Variants in GFPT1 observed in about 807,000 individuals in gnomAD.
GFPT1 encodes glutamine--fructose-6-phosphate transaminase 1.
GFPT1 carries 40 observed loss-of-function variants against 92.0 expected under a neutral mutation model. The ratio of observed to expected loss-of-function variants is 0.43; its 90% CI spans 0.34 to 0.57. GFPT1 has a LOEUF of 0.57. Ranked by LOEUF, GFPT1 falls within the 20% of genes least tolerant of loss-of-function variation. The pLI is 0.02. For synonymous variants in GFPT1, 269 were observed against 280.6 expected (o/e 0.96, Z 0.41); for missense variants, 448 against 869.1 (o/e 0.52, Z 6.09).
intron 9 of GFPT1, among the ~76,000 whole-genome samples, chr2:69,350,389 C>T (rs1308449479): frequency 6.6e-6 from 1 of 151,950 alleles, no homozygotes; most frequent in African/African-American, 2.4e-5. Context: ...TAGCAACTAT[C>T]AAAGAGTGCG....
chr2:69,342,378 G>A, intron 12 of GFPT1, 129 bp from the exon 13 acceptor site: 1 of 696,610 alleles, frequency 1.4e-6, no homozygotes, highest in Non-Finnish European at 2.6e-6. Context: ...TATTCCTCTT[G>A]GAAAGCACAG....
intron 7 of GFPT1, among the ~76,000 whole-genome samples, chr2:69,355,983 C>CTTTT (rs1157501841): frequency 4.0e-5 from 3 of 75,616 alleles, no homozygotes; most frequent in Non-Finnish European, 7.0e-5. Context: ...TATTTGCTTT[C>CTTTT]TTTTTTTTTT....
intron 15 of GFPT1, among the ~76,000 whole-genome samples, chr2:69,335,430 C>CT (rs1282994130): frequency 2.0e-5 from 3 of 152,132 alleles, no homozygotes; most frequent in African/African-American, 7.2e-5. Flanking sequence ...CCCTTGGCAG[C>CT]TCACAATTCC....
At chr2:69,380,037 T>C (rs1449019486) in intron 1 of GFPT1, among the ~76,000 whole-genome samples, 8 of 150,284 alleles carry the variant, frequency 5.3e-5, no homozygotes, top group Non-Finnish European at 8.9e-5. Context: ...TCTTCTACAA[T>C]CCTAAAAGCA....
At chr2:69,327,453 T>C (rs1003961179) in intron 18 of GFPT1, among the ~76,000 whole-genome samples, 6 of 152,124 alleles carry the variant, frequency 3.9e-5, no homozygotes, top group African/African-American at 1.4e-4. Flanking sequence ...AAAACCTAGA[T>C]GTTAGATTTC....
At position 69,321,525 on chromosome 2, in the gene GFPT1, C is replaced by G. The variant is rs1324384552; in HGVS notation, c.*4664G>C. ...AATTGCTTCAAAATGAAATTCTAAG[C>G]AAGTTTTTGGTAATTTATTCACAGT... On this transcript the variant is annotated 3_prime_UTR_variant, in exon 20 of 20. Transcript: ENST00000357308. 4.6e-5 allele frequency: 7 copies of G among 152,168 alleles called. No individual in the cohort carries two copies. Among genetic ancestry groups the G allele is most frequent in the Admixed American group, 4.6e-4 (7 of 15,284 alleles). 9.4% of individuals were successfully genotyped at this position (152,168 alleles called of 1,614,324 possible).
In GFPT1 at chr2:69,342,215, C is replaced by T. The variant is rs781010273; in HGVS notation, c.1140G>A (p.Glu380=). 2 of 1,610,818 alleles carry T rather than the reference C, an allele frequency of 1.2e-6. No homozygotes were observed. The highest frequency in any genetic ancestry group is 4.5e-5 in the East Asian group (2 of 44,860). The change falls in exon 13 of 20, where the codon GAG becomes GAA. Residue 380 remains glutamate (E), a synonymous_variant. Coordinates refer to ENST00000357308, the MANE Select transcript of GFPT1 (RefSeq NM_001244710.2). ...NLGGLKDHIK[E]IQRCRRLILI... ...GAATCAAACGCCGGCATCTCTGGATCTCCTTTATGTGATCCTTCAAACCAC... is the reference window on the plus strand; with the variant it reads ...GAATCAAACGCCGGCATCTCTGGATTTCCTTTATGTGATCCTTCAAACCAC...
At chr2:69,329,837 T>C (rs1401078424) in intron 15 of GFPT1, 39 bp from the exon 16 acceptor site, 2 of 995,456 alleles carry the variant, frequency 2.0e-6, no homozygotes, top group South Asian at 2.5e-5. Flanking sequence ...TAGTTGCAGC[T>C]GCATCTGAAG....
chr2:69,332,459 G>A (rs376062848), intron 15 of GFPT1, among the ~76,000 whole-genome samples: 40 of 151,592 alleles, frequency 2.6e-4, no homozygotes, highest in African/African-American at 8.7e-4. Flanking sequence ...GATTACAGGC[G>A]CCCGCCACCA....
At position 69,352,078 on chromosome 2, in the gene GFPT1, A is replaced by G. The variant is rs554000724; in HGVS notation, c.740-1895T>C. Among the ~76,000 whole-genome samples the G allele has an allele frequency of 7.9e-5, 12 of 151,424 alleles. No individual in the cohort carries two copies. In the East Asian group the frequency reaches 2.4e-3, roughly 30 times the overall value. ...GGAGTTCAAGACCAGCCTGGCCAAC[A>G]TGGTGAAACCTCGTCTCTACTAAAA... On this transcript the variant is annotated intron_variant, in intron 9 of 19. Transcript: ENST00000357308.
intron 1 of GFPT1, among the ~76,000 whole-genome samples, chr2:69,382,400 T>G (rs1169705926): frequency 6.6e-6 from 1 of 152,182 alleles, no homozygotes; most frequent in African/African-American, 2.4e-5. Context: ...ATTCAACTTC[T>G]CAACACTCCC....
chr2:69,373,783 CAAT>C (rs1304660515), intron 2 of GFPT1, among the ~76,000 whole-genome samples: 17 of 152,056 alleles, frequency 1.1e-4, no homozygotes, highest in Non-Finnish European at 1.0e-4. Context: ...GATGTTTTTA[CAAT>C]AATATTCTTA....
At chr2:69,332,522 T>A (rs1393895720) in intron 15 of GFPT1, among the ~76,000 whole-genome samples, 1 of 151,944 alleles carries the variant, frequency 6.6e-6, no homozygotes, top group Non-Finnish European at 1.5e-5. Flanking sequence ...TTCACTATGT[T>A]GGCCAGGCTG....
Position 69,326,006 on chromosome 2 carries a change from G to A in GFPT1, c.*183C>T. Reference sequence around the variant, plus strand: ...ATTCAAAGTCCTCCACAAATTACTGGGAAAATGTAAGAGGTAACTTCACAA... The same window carrying A: ...ATTCAAAGTCCTCCACAAATTACTGAGAAAATGTAAGAGGTAACTTCACAA... On this transcript the variant is annotated 3_prime_UTR_variant, in exon 20 of 20. Transcript: ENST00000357308. 1.8e-6 allele frequency: 1 copy of A among 561,626 alleles called. No homozygotes were observed. Among genetic ancestry groups the A allele is most frequent in the Non-Finnish European group, 3.1e-6 (1 of 318,152 alleles). The allele number at this position is 561,626 out of a possible 1,614,324, so 34.8% of individuals were successfully genotyped here. A position where few individuals can be genotyped will look rare whatever the true frequency, so the allele number is the denominator to read the frequency against.
At chr2:69,384,693 C>CAAAAAAAAAAAAAAAAAAAAAAAA (rs71964630) in intron 1 of GFPT1, among the ~76,000 whole-genome samples, 13 of 106,596 alleles carry the variant, frequency 1.2e-4, no homozygotes, top group Non-Finnish European at 2.1e-4. Flanking sequence ...GGCCCCGTCA[C>CAAAAAAAAAAAAAAAAAAAAAAAA]AAAAAAAAAA....
In GFPT1 at chr2:69,359,263, CT is replaced by C; in HGVS notation, c.408+4del. ...ACTGGGGTCTTTTGAGGTCACCTTA[CT>C]TACCAAAAACTTTTTCAAGTCTTTG... On this transcript the variant is annotated splice_donor_region_variant and intron_variant, in intron 5 of 19. Coordinates refer to ENST00000357308, the MANE Select transcript of GFPT1 (RefSeq NM_001244710.2). 1 of 1,513,936 alleles carries C rather than the reference CT, an allele frequency of 6.6e-7. No homozygotes were observed. Among genetic ancestry groups the C allele is most frequent in the Non-Finnish European group, 9.2e-7 (1 of 1,089,424 alleles). 93.8% of individuals were successfully genotyped at this position (1,513,936 alleles called of 1,614,324 possible). A position where few individuals can be genotyped will look rare whatever the true frequency, so the allele number is the denominator to read the frequency against.
At position 69,354,588 on chromosome 2, in the gene GFPT1, T is replaced by C; in HGVS notation, c.606-20A>G. The stretch of plus-strand genomic sequence containing the variant: ...CCTCGCCTGTAAATTGCAAAAGCAG[T>C]TAGAATTAAACCATTTTTATAAATA... On this transcript the variant is annotated intron_variant, in intron 7 of 19. Coordinates refer to ENST00000357308, the MANE Select transcript of GFPT1 (RefSeq NM_001244710.2). 6.7e-7 allele frequency: 1 copy of C among 1,493,622 alleles called. No homozygotes were observed. The highest frequency in any genetic ancestry group is 9.3e-7 in the Non-Finnish European group (1 of 1,070,222). 92.5% of individuals were successfully genotyped at this position (1,493,622 alleles called of 1,614,324 possible). A position where few individuals can be genotyped will look rare whatever the true frequency, so the allele number is the denominator to read the frequency against.
rs1672123003 is a variant in GFPT1 at position 69,386,148 on chromosome 2, G to A, written c.7+917C>T. Among the ~76,000 whole-genome samples, 4 of 150,878 alleles carry A rather than the reference G, an allele frequency of 2.7e-5. No individual in the cohort carries two copies. In the South Asian group the frequency reaches 8.6e-4, roughly 32 times the overall value. On this transcript the variant is annotated intron_variant, in intron 1 of 19. Transcript: ENST00000357308. ...AGCCAAATTAACACCAATTTTAGAA[G>A]ATATCAGTCATGTCAGACACGATTC...
chr2:69,336,097 G>C (rs533851662), intron 15 of GFPT1, among the ~76,000 whole-genome samples: 1 of 151,810 alleles, frequency 6.6e-6, no homozygotes, highest in East Asian at 1.9e-4. Context: ...CCAGCACTTT[G>C]GGAGGTTGAG....
Sources: allele counts gnomAD v4.1 joint callset (sites outside exome capture counted in the v4.1 genomes callset), GRCh38; gene constraint gnomAD v4.1.1; transcripts MANE v1.5; gene names NCBI Gene and HGNC (gene_info 2026-07-23, HGNC 2026-07-21).